Variants in LRBA observed in about 807,000 individuals in gnomAD.
LRBA encodes the protein LPS responsive beige-like anchor protein.
LRBA carries 176 observed loss-of-function variants against 330.0 expected under a neutral mutation model. The ratio of observed to expected loss-of-function variants is 0.53; its 90% CI spans 0.47 to 0.60. The LOEUF is 0.60. LRBA is among the 20% of genes least tolerant of loss of function. LRBA has a pLI of 0.00. For synonymous variants in LRBA, 1,230 were observed against 1,193.0 expected (o/e 1.03, Z -0.64); for missense variants, 3,259 against 3,444.8 (o/e 0.95, Z 1.35).
chr4:150,964,377 T>C (rs1738642395), intron 2 of LRBA, among the ~76,000 whole-genome samples: 2 of 149,598 alleles, frequency 1.3e-5, no homozygotes, highest in Admixed American at 6.6e-5. Context: ...TTTTGTCGAA[T>C]AGAAAAGGGG....
intron 40 of LRBA, among the ~76,000 whole-genome samples, chr4:150,551,425 T>C (rs1766574336): frequency 6.6e-6 from 1 of 152,128 alleles, no homozygotes; most frequent in African/African-American, 2.4e-5. Context: ...ACACCTGTAA[T>C]CTTAGCATTT....
intron 2 of LRBA, among the ~76,000 whole-genome samples, chr4:150,972,581 A>G (rs1739704847): frequency 1.3e-5 from 2 of 152,212 alleles, no homozygotes; most frequent in Non-Finnish European, 2.9e-5. Flanking sequence ...TTACATATCA[A>G]TTTTTAAAAG....
chr4:150,987,087 T>A (rs1741545481), intron 2 of LRBA, among the ~76,000 whole-genome samples: 1 of 152,230 alleles, frequency 6.6e-6, no homozygotes, highest in African/African-American at 2.4e-5. Flanking sequence ...AGTTTTCATG[T>A]CTTCAGATTT....
chr4:150,418,011 G>C lies in LRBA; in HGVS notation c.7042-2421C>G, dbSNP rs147743747. 4.3e-3 allele frequency among the ~76,000 whole-genome samples: 643 copies of C among 149,410 alleles called. 4 individuals carry two copies. Among genetic ancestry groups the C allele is most frequent in the African/African-American group, 0.015 (622 of 41,042 alleles). ...ACAAATATTCTCCACAAGTTTTTTTGGTTTTTTGTTTTTTTTTTTTTTGGT... is the reference window on the plus strand; with the variant it reads ...ACAAATATTCTCCACAAGTTTTTTTCGTTTTTTGTTTTTTTTTTTTTTGGT... On this transcript the variant is annotated intron_variant, in intron 46 of 56. Coordinates refer to ENST00000651943, the MANE Select transcript of LRBA (RefSeq NM_001364905.1).
Position 150,902,750 on chromosome 4 carries a change from TCCTTTGTTCAAGACA to T in LRBA, c.1756-2548_1756-2534del, listed in dbSNP as rs566691771. Among the ~76,000 whole-genome samples, 48 of 152,332 alleles carry T rather than the reference TCCTTTGTTCAAGACA, an allele frequency of 3.2e-4. No homozygotes were observed. The South Asian group carries it at 9.1e-3, about 29-fold the overall frequency. On this transcript the variant is annotated intron_variant, in intron 13 of 56. Transcript: ENST00000651943. The stretch of plus-strand genomic sequence containing the variant: ...CCCTTGCTTTGTGCATTTTGTCCAA[TCCTTTGTTCAAGACA>T]CCAAGAACCTGGACACTCTCCACGG...
chr4:150,349,766 C>G (rs1736891343), intron 48 of LRBA, among the ~76,000 whole-genome samples: 1 of 152,074 alleles, frequency 6.6e-6, no homozygotes, highest in South Asian at 2.1e-4. Context: ...TTAACAGGTT[C>G]AAATAGAAAA....
At chr4:150,620,818 G>C (rs997068206) in intron 37 of LRBA, among the ~76,000 whole-genome samples, 9 of 152,152 alleles carry the variant, frequency 5.9e-5, no homozygotes, top group African/African-American at 1.9e-4. Context: ...GGTAGGACCA[G>C]TGGAGAGGCA....
chr4:150,484,085 G>A (rs1161060173), intron 42 of LRBA, among the ~76,000 whole-genome samples: 1 of 151,926 alleles, frequency 6.6e-6, no homozygotes, highest in East Asian at 1.9e-4. Flanking sequence ...AAGAAGGTAT[G>A]CTAAAATGAC....
intron 2 of LRBA, among the ~76,000 whole-genome samples, chr4:150,953,143 T>C (rs1737039216): frequency 6.6e-6 from 1 of 152,160 alleles, no homozygotes; most frequent in Non-Finnish European, 1.5e-5. Flanking sequence ...AGTTACAAAA[T>C]AACATGCTAA....
chr4:150,897,079 A>C (rs1339314230), intron 15 of LRBA, among the ~76,000 whole-genome samples: 1 of 151,844 alleles, frequency 6.6e-6, no homozygotes, highest in Non-Finnish European at 1.5e-5. Context: ...AACAAAGACA[A>C]TTCAAAGGAC....
At chr4:150,591,226 A>G (rs1772789479) in intron 38 of LRBA, among the ~76,000 whole-genome samples, 1 of 152,238 alleles carries the variant, frequency 6.6e-6, no homozygotes, top group Admixed American at 6.5e-5. Context: ...ACAGCAAAAA[A>G]TAAGGACTGA....
At chr4:150,354,214 T>C (rs1438081949) in intron 47 of LRBA, among the ~76,000 whole-genome samples, 1 of 152,160 alleles carries the variant, frequency 6.6e-6, no homozygotes, top group African/African-American at 2.4e-5. Flanking sequence ...TATATTAAAA[T>C]AGCTTTTTTA....
rs77084103 is a variant in LRBA at position 150,339,408 on chromosome 4, A to G, written c.7362+10584T>C. 3.3e-3 allele frequency among the ~76,000 whole-genome samples: 501 copies of G among 152,308 alleles called. 1 individual carries two copies. The highest frequency in any genetic ancestry group is 0.017 in the Middle Eastern group (5 of 294). On this transcript the variant is annotated intron_variant, in intron 48 of 56. Coordinates refer to ENST00000651943, the MANE Select transcript of LRBA (RefSeq NM_001364905.1). Reference sequence around the variant, plus strand: ...ACGCAATTACAAAAGACCTCTGAACAGCCAAAAACGAAGTCAGTATTCATA... The same window carrying G: ...ACGCAATTACAAAAGACCTCTGAACGGCCAAAAACGAAGTCAGTATTCATA...
chr4:150,525,259 G>A (rs138555738), intron 40 of LRBA, among the ~76,000 whole-genome samples: 146 of 151,484 alleles, frequency 9.6e-4, no homozygotes, highest in Non-Finnish European at 1.7e-3. Flanking sequence ...TTCCTATGCA[G>A]TCAATGACAT....
intron 50 of LRBA, among the ~76,000 whole-genome samples, chr4:150,320,265 T>C (rs989646775): frequency 6.6e-6 from 1 of 152,162 alleles, no homozygotes; most frequent in African/African-American, 2.4e-5. Flanking sequence ...TGGCAAAACA[T>C]GGCTGGAGTA....
chr4:150,584,828 C>T (rs1261409884), intron 40 of LRBA: 2 of 153,986 alleles, frequency 1.3e-5, no homozygotes, highest in South Asian at 2.1e-4. Context: ...AAATACAGTA[C>T]ATTTTGTAGA....
At chr4:150,661,242 G>A (rs546004129) in intron 37 of LRBA, among the ~76,000 whole-genome samples, 22 of 151,562 alleles carry the variant, frequency 1.5e-4, no homozygotes, top group South Asian at 4.2e-4. Context: ...AGGCTGAGGC[G>A]GGTCAATCAC....
chr4:150,818,532 C>CTCTGTGTG (rs200552031), intron 30 of LRBA, among the ~76,000 whole-genome samples: 25 of 145,908 alleles, frequency 1.7e-4, no homozygotes, highest in Admixed American at 4.8e-4. Flanking sequence ...TGACGAATGT[C>CTCTGTGTG]TGTGTGTGTG....
chr4:150,733,673 G>A (rs891174188), intron 36 of LRBA, among the ~76,000 whole-genome samples: 19 of 151,808 alleles, frequency 1.3e-4, no homozygotes, highest in African/African-American at 4.6e-4. Flanking sequence ...ATAAAATTTT[G>A]TAGCTTCATT....
Sources: allele counts gnomAD v4.1 joint callset (sites outside exome capture counted in the v4.1 genomes callset), GRCh38; gene constraint gnomAD v4.1.1; transcripts MANE v1.5; gene names NCBI Gene and HGNC (gene_info 2026-07-23, HGNC 2026-07-21).